CSMD3: variants seen among roughly 807,000 people sequenced by gnomAD.
CSMD3 encodes CUB and sushi domain-containing protein 3.
A neutral mutation model predicts 435.2 loss-of-function variants in CSMD3; 177 were observed. The observed-to-expected ratio is 0.41, with a 90% CI of 0.36 to 0.46. The LOEUF (loss-of-function observed/expected upper bound fraction) is 0.46. Ranked by LOEUF, CSMD3 falls within the 20% of genes least tolerant of loss-of-function variation. The pLI is 0.34. For missense variants in CSMD3, 4,265 were observed against 4,504.6 expected (o/e 0.95, Z 1.52); for synonymous variants, 1,656 against 1,520.5 (o/e 1.09, Z -2.07).
chr8:112,500,125 C>T (rs1248003819), intron 30 of CSMD3, among the ~76,000 whole-genome samples: 5 of 151,788 alleles, frequency 3.3e-5, no homozygotes, highest in African/African-American at 2.4e-5. Context: ...AAAACAAAAG[C>T]AGTATTTATC....
At chr8:113,125,979 A>T (rs2091114087) in intron 4 of CSMD3, among the ~76,000 whole-genome samples, 1 of 152,048 alleles carries the variant, frequency 6.6e-6, no homozygotes, top group African/African-American at 2.4e-5. Flanking sequence ...TGCATGAAAA[A>T]TAATGTTATG....
intron 31 of CSMD3, among the ~76,000 whole-genome samples, chr8:112,491,086 T>C (rs149717552): frequency 6.2e-4 from 94 of 152,286 alleles, no homozygotes; most frequent in African/African-American, 2.1e-3. Context: ...CTCTATTTCA[T>C]AGATGAGACA....
intron 28 of CSMD3, among the ~76,000 whole-genome samples, chr8:112,509,143 G>A (rs946560097): frequency 1.3e-5 from 2 of 148,972 alleles, no homozygotes; most frequent in Middle Eastern, 3.5e-3. Flanking sequence ...CTGCTGGAGT[G>A]CAGTGGCACG....
chr8:113,209,521 T>G (rs2132069271), intron 3 of CSMD3, among the ~76,000 whole-genome samples: 1 of 152,262 alleles, frequency 6.6e-6, no homozygotes, highest in South Asian at 2.1e-4. Context: ...ATGTGAAATC[T>G]ATATTAAAAG....
At chr8:112,575,598 T>A (rs945140615) in intron 23 of CSMD3, among the ~76,000 whole-genome samples, 3 of 152,126 alleles carry the variant, frequency 2.0e-5, no homozygotes, top group Admixed American at 6.6e-5. Context: ...TAATTTATCA[T>A]GCAAATAAGT....
intron 12 of CSMD3, among the ~76,000 whole-genome samples, chr8:112,818,288 A>C (rs2079435822): frequency 6.6e-6 from 1 of 152,262 alleles, no homozygotes; most frequent in African/African-American, 2.4e-5. Context: ...TAAAATAATT[A>C]GAACATAAAA....
At chr8:112,729,584 G>T (rs1266877300) in intron 13 of CSMD3, among the ~76,000 whole-genome samples, 1 of 152,060 alleles carries the variant, frequency 6.6e-6, no homozygotes, top group Non-Finnish European at 1.5e-5. Context: ...TGTAATTAAC[G>T]ATTTTGGTAT....
At chr8:113,356,033 T>C (rs930292199) in intron 1 of CSMD3, among the ~76,000 whole-genome samples, 18 of 151,602 alleles carry the variant, frequency 1.2e-4, no homozygotes, top group African/African-American at 4.4e-4. Context: ...AAAACTTAAA[T>C]AACATTATCT....
At chr8:112,540,481 T>C (rs1025830433) in intron 27 of CSMD3, among the ~76,000 whole-genome samples, 1 of 152,040 alleles carries the variant, frequency 6.6e-6, no homozygotes. Flanking sequence ...TAGCTGCACG[T>C]GCATGTTTAT....
At position 112,311,172 on chromosome 8, in the gene CSMD3, C is replaced by CA. The variant is rs1586735176; in HGVS notation, c.7697-7dup. ...TGGTGTACTACAGTAGAAAGCTTTTCAAAAGAAAAAAAAAATGCTGTTTAA... is the reference window on the plus strand; with the variant it reads ...TGGTGTACTACAGTAGAAAGCTTTTCAAAAAGAAAAAAAAAATGCTGTTTAA... On this transcript the variant is annotated splice_polypyrimidine_tract_variant and splice_region_variant and intron_variant, in intron 49 of 70. Coordinates refer to ENST00000297405, the MANE Select transcript of CSMD3 (RefSeq NM_198123.2). 1 of 1,595,902 alleles carries CA rather than the reference C, an allele frequency of 6.3e-7. No individual in the cohort carries two copies. The highest frequency in any genetic ancestry group is 1.8e-5 in the Admixed American group (1 of 57,090).
At position 112,913,284 on chromosome 8, in the gene CSMD3, A is replaced by G. The variant is rs1274002209; in HGVS notation, c.1633+8343T>C. Among the ~76,000 whole-genome samples, 3 of 151,748 alleles carry G rather than the reference A, an allele frequency of 2.0e-5. No homozygotes were observed. In the South Asian group the frequency reaches 6.2e-4, roughly 32 times the overall value. On this transcript the variant is annotated intron_variant, in intron 10 of 70. Coordinates refer to ENST00000297405, the MANE Select transcript of CSMD3 (RefSeq NM_198123.2). ...ATTATATTTATCATTAGATTCTCAT[A>G]AGGAGCATGCAAACTAGATCCCTCA...
chr8:112,685,451 C>T lies in CSMD3; in HGVS notation c.2437G>A (p.Ala813Thr), dbSNP rs781210838. 6.2e-7 allele frequency: 1 copy of T among 1,613,956 alleles called. No individual in the cohort carries two copies. Among genetic ancestry groups the T allele is most frequent in the Admixed American group, 1.7e-5 (1 of 59,986 alleles). ...NSHILRLEFQ[A>T]DHSMSGRGFN... ...CCACGTCCTGACATTGAGTGGTCAGCCTGAAATTCCAATCGCAGTATGTGA... is the reference window on the plus strand; with the variant it reads ...CCACGTCCTGACATTGAGTGGTCAGTCTGAAATTCCAATCGCAGTATGTGA... Residue 813 changes from alanine to threonine, a missense_variant, in exon 15 of 71, where the codon GCT (alanine) becomes ACT (threonine). Coordinates refer to ENST00000297405, the MANE Select transcript of CSMD3 (RefSeq NM_198123.2).
intron 63 of CSMD3, among the ~76,000 whole-genome samples, chr8:112,253,274 A>G (rs957513991): frequency 2.6e-5 from 4 of 151,902 alleles, no homozygotes; most frequent in Non-Finnish European, 4.4e-5. Flanking sequence ...TTTTATGGAG[A>G]TATTAATCTA....
intron 11 of CSMD3, among the ~76,000 whole-genome samples, chr8:112,830,803 T>C (rs1336797882): frequency 6.6e-6 from 1 of 151,144 alleles, no homozygotes; most frequent in Non-Finnish European, 1.5e-5. Context: ...TTTTTTTTTT[T>C]TTAGATGGAG....
intron 32 of CSMD3, among the ~76,000 whole-genome samples, chr8:112,415,687 T>C (rs1048428701): frequency 6.6e-6 from 1 of 152,206 alleles, no homozygotes; most frequent in Non-Finnish European, 1.5e-5. Flanking sequence ...ATGGGGGTTT[T>C]ACCCTGCAAT....
chr8:112,365,110 AATGAATAGAGAGAAAT>A (rs60796055), intron 38 of CSMD3, among the ~76,000 whole-genome samples: 27,729 of 151,926 alleles, frequency 0.18, 3,026 homozygotes, highest in Middle Eastern at 0.35. Flanking sequence ...ACTTCTCTCT[AATGAATAGAGAGAAAT>A]GTGTCCACCA....
chr8:112,453,850 C>T (rs543104223), intron 32 of CSMD3, among the ~76,000 whole-genome samples: 13 of 152,128 alleles, frequency 8.5e-5, no homozygotes, highest in South Asian at 4.2e-4. Flanking sequence ...TCACATTACC[C>T]GACTTCAAAC....
At chr8:113,423,683 A>G (rs1259366698) in intron 1 of CSMD3, among the ~76,000 whole-genome samples, 2 of 151,932 alleles carry the variant, frequency 1.3e-5, no homozygotes, top group African/African-American at 4.8e-5. Context: ...CATGTAATGC[A>G]AATTACCTCA....
chr8:112,453,290 A>G lies in CSMD3; in HGVS notation c.5395+19301T>C, dbSNP rs528429061. ...GAGCAATCAGGCAAGAGAAAGAAAT[A>G]AAAGGAATCCAAGTAGGAAAAGAAG... is the stretch of plus-strand genomic sequence containing the variant. On this transcript the variant is annotated intron_variant, in intron 32 of 70. Coordinates refer to ENST00000297405, the MANE Select transcript of CSMD3 (RefSeq NM_198123.2). 1.1e-4 allele frequency among the ~76,000 whole-genome samples: 16 copies of G among 152,258 alleles called. No homozygotes were observed. In the South Asian group the frequency reaches 3.3e-3, roughly 32 times the overall value.
Sources: gnomAD v4.1 joint callset for allele counts (sites outside exome capture counted in the v4.1 genomes callset) on GRCh38, gnomAD v4.1.1 for gene constraint, MANE v1.5 for transcripts, NCBI Gene and HGNC (gene_info 2026-07-23, HGNC 2026-07-21) for gene names.